The following CRPPA variants were observed in gnomAD, a reference collection of about 807,000 sequenced individuals.
The protein encoded by CRPPA is CDP-L-ribitol pyrophosphorylase A.
Under a neutral mutation model 52.0 loss-of-function variants are expected in CRPPA, and 43 were observed. That is an observed-to-expected ratio of 0.83 (90% CI 0.65 to 1.07). The LOEUF (loss-of-function observed/expected upper bound fraction) is 1.07. Among genes scored for constraint, CRPPA ranks in the 50% least tolerant of loss-of-function variants. CRPPA has a pLI of 0.00. For synonymous variants in CRPPA, 250 were observed against 203.5 expected (o/e 1.23, Z -1.94); for missense variants, 629 against 551.7 (o/e 1.14, Z -1.40).
At chr7:16,269,102 G>C (rs1340322798) in intron 6 of CRPPA, 1 of 152,234 alleles carries the variant, frequency 6.6e-6, no homozygotes, top group Non-Finnish European at 1.5e-5. Flanking sequence ...GCCCGGTAGA[G>C]AGGTACTCCA....
At chr7:16,256,809 T>C (rs1241571158) in intron 8 of CRPPA, among the ~76,000 whole-genome samples, 1 of 152,086 alleles carries the variant, frequency 6.6e-6, no homozygotes, top group African/African-American at 2.4e-5. Context: ...AAATACCTAA[T>C]GTAAATGACA....
At chr7:16,138,328 A>G (rs1226084448) in intron 9 of CRPPA, among the ~76,000 whole-genome samples, 3 of 152,200 alleles carry the variant, frequency 2.0e-5, no homozygotes, top group Admixed American at 2.0e-4. Context: ...AGCACTGGCA[A>G]AGGTACTACA....
At chr7:16,185,494 T>C (rs1316146703) in intron 9 of CRPPA, among the ~76,000 whole-genome samples, 1 of 152,176 alleles carries the variant, frequency 6.6e-6, no homozygotes, top group Non-Finnish European at 1.5e-5. Context: ...TAACAAGGCA[T>C]AACAACGGTG....
At position 16,259,106 on chromosome 7, in the gene CRPPA, T is replaced by A. The variant is rs1783725658; in HGVS notation, c.934-94A>T. ...GAACACATAATTGCTAGAAGGCCCA[T>A]AAAGCCAAGGACCATATATTTTTTA... On this transcript the variant is annotated intron_variant, in intron 6 of 9. Transcript: ENST00000407010. The A allele has an allele frequency of 9.2e-6, 7 of 764,596 alleles. No homozygotes were observed. In the South Asian group the frequency reaches 1.3e-4, roughly 14 times the overall value. 47.4% of individuals were successfully genotyped at this position (764,596 alleles called of 1,614,324 possible). A position where few individuals can be genotyped will look rare whatever the true frequency, so the allele number is the denominator to read the frequency against.
intron 2 of CRPPA, among the ~76,000 whole-genome samples, chr7:16,377,198 G>A (rs1027291370): frequency 1.3e-5 from 2 of 152,084 alleles, no homozygotes; most frequent in African/African-American, 2.4e-5. Flanking sequence ...CCAAAGAGAC[G>A]GTTTATAAAT....
At position 16,177,767 on chromosome 7, in the gene CRPPA, A is replaced by G. The variant is rs559458373; in HGVS notation, c.1251+38299T>C. Among the ~76,000 whole-genome samples the G allele has an allele frequency of 2.4e-4, 37 of 152,230 alleles. 1 individual carries two copies. In the South Asian group the frequency reaches 6.6e-3, roughly 27 times the overall value. On this transcript the variant is annotated intron_variant, in intron 9 of 9. Coordinates refer to ENST00000407010, the MANE Select transcript of CRPPA (RefSeq NM_001101426.4). ...AATTCCAGTTTTCTTTTTAAACGGA[A>G]GTACACAGGAGCAAACAGCAATAAT...
At chr7:16,376,722 T>C (rs944073716) in intron 2 of CRPPA, among the ~76,000 whole-genome samples, 7 of 152,356 alleles carry the variant, frequency 4.6e-5, no homozygotes, top group African/African-American at 1.7e-4. Flanking sequence ...CTCTAATTTG[T>C]GTCTTGCTCT....
Position 16,286,066 on chromosome 7 carries a change from T to TTTAAAAAAAAAAAAAA in CRPPA, c.836-7841_836-7840insTTTTTTTTTTTTTTAA, listed in dbSNP as rs1562608525. ...ATAAATATATATATATATATATATATATATATATATATATAATATTTAAAA... is the reference window on the plus strand; with the variant it reads ...ATAAATATATATATATATATATATATTTAAAAAAAAAAAAAAATATATATATATATAATATTTAAAA... On this transcript the variant is annotated intron_variant, in intron 5 of 9. Coordinates refer to ENST00000407010, the MANE Select transcript of CRPPA (RefSeq NM_001101426.4). 2.7e-4 allele frequency among the ~76,000 whole-genome samples: 7 copies of TTTAAAAAAAAAAAAAA among 25,830 alleles called. 1 individual carries two copies. The highest frequency in any genetic ancestry group is 5.4e-4 in the Admixed American group (1 of 1,854). The allele number at this position is 25,830 out of a possible 152,430, so 16.9% of individuals were successfully genotyped here. A position where few individuals can be genotyped will look rare whatever the true frequency, so the allele number is the denominator to read the frequency against.
chr7:16,099,060 T>G (rs1435957299), intron 9 of CRPPA, among the ~76,000 whole-genome samples: 1 of 152,080 alleles, frequency 6.6e-6, no homozygotes, highest in Admixed American at 6.6e-5. Flanking sequence ...CAGTAGGAAT[T>G]CAATAACTGT....
chr7:16,177,493 TG>T (rs1208287381), intron 9 of CRPPA, among the ~76,000 whole-genome samples: 2 of 151,974 alleles, frequency 1.3e-5, no homozygotes, highest in South Asian at 4.1e-4. Flanking sequence ...GATATTCACC[TG>T]GGGGGTCATC....
intron 1 of CRPPA, among the ~76,000 whole-genome samples, chr7:16,416,328 A>G (rs1347209788): frequency 6.6e-6 from 1 of 152,186 alleles, no homozygotes; most frequent in Admixed American, 6.5e-5. Context: ...CCAGAGGAAT[A>G]AAACTGGACC....
intron 2 of CRPPA, among the ~76,000 whole-genome samples, chr7:16,377,722 G>C (rs1275251682): frequency 6.6e-6 from 1 of 152,150 alleles, no homozygotes; most frequent in Non-Finnish European, 1.5e-5. Context: ...CAGTGTAATG[G>C]ATGCTCTACT....
At chr7:16,272,386 C>A (rs1302920244) in intron 6 of CRPPA, among the ~76,000 whole-genome samples, 3 of 152,170 alleles carry the variant, frequency 2.0e-5, no homozygotes, top group African/African-American at 7.2e-5. Context: ...CATACCCAAT[C>A]TTTTCCCTTA....
At chr7:16,102,823 G>A (rs1782075015) in intron 9 of CRPPA, among the ~76,000 whole-genome samples, 2 of 152,188 alleles carry the variant, frequency 1.3e-5, no homozygotes, top group Admixed American at 6.5e-5. Flanking sequence ...TGGAGAGGAT[G>A]TGGAGAAATA....
At chr7:16,389,926 AAAATATAT>A (rs1240027534) in intron 2 of CRPPA, among the ~76,000 whole-genome samples, 143 of 54,994 alleles carry the variant, frequency 2.6e-3, no homozygotes, top group African/African-American at 0.011. Context: ...AAAAAAAAAA[AAAATATAT>A]ATATATATAT....
chr7:16,317,179 C>T (rs77201892), intron 3 of CRPPA, among the ~76,000 whole-genome samples: 1,572 of 152,226 alleles, frequency 0.01, 37 homozygotes, highest in African/African-American at 0.037. Context: ...TGGGTTCCAA[C>T]CATGGTGTTG....
chr7:16,245,775 T>G (rs1023539433), intron 8 of CRPPA, among the ~76,000 whole-genome samples: 1 of 152,226 alleles, frequency 6.6e-6, no homozygotes, highest in African/African-American at 2.4e-5. Flanking sequence ...TTATTTCCCA[T>G]GTCATATAAA....
chr7:16,387,663 T>C (rs1231412549), intron 2 of CRPPA, among the ~76,000 whole-genome samples: 1 of 151,932 alleles, frequency 6.6e-6, no homozygotes, highest in East Asian at 1.9e-4. Context: ...CAAGCAAATA[T>C]GAACAAAGCT....
chr7:16,241,970 T>TTTTTTTTTTTTG lies in CRPPA; in HGVS notation c.1119+16419_1119+16420insCAAAAAAAAAAA, dbSNP rs1241010922. On this transcript the variant is annotated intron_variant, in intron 8 of 9. Coordinates refer to ENST00000407010, the MANE Select transcript of CRPPA (RefSeq NM_001101426.4). ...TCTTTTTTTTTTTTTTTTTTTTTTG[T>TTTTTTTTTTTTG]TGGGGGGAGATAGAGTCTCGCTCTG... Among the ~76,000 whole-genome samples the TTTTTTTTTTTTG allele has an allele frequency of 1.3e-4, 14 of 104,934 alleles. 2 individuals are homozygous for TTTTTTTTTTTTG. The highest frequency in any genetic ancestry group is 2.9e-4 in the South Asian group (1 of 3,430). The allele number at this position is 104,934 out of a possible 152,430, so 68.8% of individuals were successfully genotyped here. A position where few individuals can be genotyped will look rare whatever the true frequency, so the allele number is the denominator to read the frequency against.
Sources: allele counts gnomAD v4.1 joint callset (sites outside exome capture counted in the v4.1 genomes callset), GRCh38; gene constraint gnomAD v4.1.1; transcripts MANE v1.5; gene names NCBI Gene and HGNC (gene_info 2026-07-23, HGNC 2026-07-21).